Variants in XPNPEP2 observed in about 807,000 individuals in gnomAD.
The protein encoded by XPNPEP2 is X-prolyl aminopeptidase 2, also known as xaa-Pro aminopeptidase 2.
A neutral mutation model predicts 59.8 loss-of-function variants in XPNPEP2; 64 were observed. The ratio of observed to expected loss-of-function variants is 1.07; its 90% confidence interval spans 0.87 to 1.32. The LOEUF (loss-of-function observed/expected upper bound fraction) is 1.32. Ranked by LOEUF, XPNPEP2 falls within the 40% of genes most tolerant of loss-of-function variation. The pLI is 0.00. For synonymous variants in XPNPEP2, 235 were observed against 210.0 expected (o/e 1.12, Z -1.03); for missense variants, 575 against 546.8 (o/e 1.05, Z -0.51).
rs189631445 is a variant in XPNPEP2, at chrX:129,768,580, G to A, written c.*95G>A. ...CACTGAACATACCCCAAGAGCCCCTGCTGGCCCATTGCCTAGAAACCTTTG... is the reference window on the plus strand; with the variant it reads ...CACTGAACATACCCCAAGAGCCCCTACTGGCCCATTGCCTAGAAACCTTTG... On this transcript the variant is annotated 3_prime_UTR_variant, in exon 21 of 21. Transcript: ENST00000371106. The A allele has an allele frequency of 5.0e-5, 41 of 814,248 alleles. No individual in the cohort carries two copies. Among genetic ancestry groups the A allele is most frequent in the Non-Finnish European group, 6.7e-5 (41 of 612,056 alleles). The allele number at this position is 814,248 out of a possible 1,213,427, so 67.1% of individuals were successfully genotyped here.
chrX:129,747,539 C>T, intron 6 of XPNPEP2, 68 bp from the exon 7 acceptor site: 1 of 1,184,462 alleles, frequency 8.4e-7, no homozygotes, highest in Non-Finnish European at 1.1e-6. Context: ...ACTAACTTTG[C>T]CTGAATCACA....
chrX:129,759,379 G>A, intron 15 of XPNPEP2, 139 bp downstream of exon 15: 4 of 732,996 alleles, frequency 5.5e-6, no homozygotes, highest in Admixed American at 5.8e-5. Flanking sequence ...CACTGGTGCC[G>A]GAAAACCCAG....
At chrX:129,759,358 C>A in intron 15 of XPNPEP2, 118 bp downstream of exon 15, 1 of 885,406 alleles carries the variant, frequency 1.1e-6, no homozygotes, top group Non-Finnish European at 1.6e-6. Context: ...GTAGTTTGCC[C>A]AAGGTGACAC....
chrX:129,757,521 C>A (rs1418918066), intron 14 of XPNPEP2, among the ~76,000 whole-genome samples: 1 of 108,055 alleles, frequency 9.3e-6, no homozygotes, highest in Non-Finnish European at 1.9e-5. Context: ...AATAGACTAA[C>A]CTGGCCAGGC....
Position 129,768,417 on chromosome X carries a change from C to T in XPNPEP2, c.1957C>T (p.Pro653Ser), listed in dbSNP as rs748330781. 2 of 1,205,939 alleles carry T rather than the reference C, an allele frequency of 1.7e-6. No individual in the cohort carries two copies. The highest frequency in any genetic ancestry group is 1.8e-5 in the South Asian group (1 of 56,217). ...CACAGAGCCCCTGGCCGCCAGGGCC[C>T]CAGACACCGCCTCCTGGGCCTCTGT... is the stretch of plus-strand genomic sequence containing the variant. ...QHTEPLAARA[P>S]DTASWASVLV... is the part of the protein sequence containing the mutation. Residue 653 changes from proline to serine, a missense_variant, in exon 21 of 21, where the codon CCA becomes TCA. Pro to Ser is a moderately conservative substitution (Grantham distance 74, BLOSUM62 -1). Transcript: ENST00000371106.
intron 17 of XPNPEP2, among the ~76,000 whole-genome samples, chrX:129,761,756 C>A (rs763200893): frequency 8.9e-6 from 1 of 111,733 alleles, no homozygotes; most frequent in Non-Finnish European, 1.9e-5. Context: ...GTCAAGGCTG[C>A]AGTGAGCCAT....
chrX:129,750,591 TG>T, intron 8 of XPNPEP2, 22 bp downstream of exon 8: 1 of 1,150,413 alleles, frequency 8.7e-7, no homozygotes, highest in Non-Finnish European at 1.2e-6. Context: ...TTTGCAGACA[TG>T]GGTGGGCGCC....
chrX:129,745,273 A>G lies in XPNPEP2; in HGVS notation c.298+7A>G, dbSNP rs1417449826. 3 of 1,209,268 alleles carry G rather than the reference A, an allele frequency of 2.5e-6. No individual in the cohort carries two copies. Among genetic ancestry groups the G allele is most frequent in the African/African-American group, 3.5e-5 (2 of 56,936 alleles). On this transcript the variant is annotated splice_region_variant and intron_variant, in intron 4 of 20. Transcript: ENST00000371106. ...GGCTTTACAGGGTCTGCAGGTGACA[A>G]TCATTACCCAGCCCCATTGCTTTTG...
Position 129,740,470 on chromosome X carries a change from T to C in XPNPEP2, c.49+1208T>C, listed in dbSNP as rs188074143. On this transcript the variant is annotated intron_variant, in intron 1 of 20. Coordinates refer to ENST00000371106, the MANE Select transcript of XPNPEP2 (RefSeq NM_003399.6). ...GGTGAAACACTGTCTCTATTAAAAT[T>C]ACAAAAATTAGCCAGGCATGGTGGC... Among the ~76,000 whole-genome samples, 7 of 105,714 alleles carry C rather than the reference T, an allele frequency of 6.6e-5. No homozygotes were observed. The South Asian group carries it at 2.9e-3, about 44-fold the overall frequency. 91.8% of individuals were successfully genotyped at this position (105,714 alleles called of 115,157 possible). A position where few individuals can be genotyped will look rare whatever the true frequency, so the allele number is the denominator to read the frequency against.
chrX:129,740,810 T>C (rs1278204300), intron 1 of XPNPEP2, among the ~76,000 whole-genome samples: 4 of 105,908 alleles, frequency 3.8e-5, no homozygotes, highest in Admixed American at 1.0e-4. Flanking sequence ...GTGTGGTGGG[T>C]GCATGCCTGT....
At chrX:129,744,564 C>CAT (rs1376939082) in intron 3 of XPNPEP2, among the ~76,000 whole-genome samples, 2 of 111,933 alleles carry the variant, frequency 1.8e-5, no homozygotes, top group Non-Finnish European at 3.8e-5. Flanking sequence ...CCCTCCACAC[C>CAT]ATCCACCTTT....
In XPNPEP2 at chrX:129,741,591, T is replaced by C. The variant is rs368182975; in HGVS notation, c.50-517T>C. Among the ~76,000 whole-genome samples the C allele has an allele frequency of 6.2e-5, 7 of 112,207 alleles. No individual in the cohort carries two copies. In the East Asian group the frequency reaches 1.4e-3, roughly 22 times the overall value. On this transcript the variant is annotated intron_variant, in intron 1 of 20. Coordinates refer to ENST00000371106, the MANE Select transcript of XPNPEP2 (RefSeq NM_003399.6). ...ACCATGGCAGACTAGGATTTCTGTC[T>C]AATATATTGAAAATGAGCCTGGAAT...
rs192591301 is a variant in XPNPEP2 at position 129,740,988 on chromosome X, A to C, written c.50-1120A>C. On this transcript the variant is annotated intron_variant, in intron 1 of 20. Transcript: ENST00000371106. The stretch of plus-strand genomic sequence containing the variant: ...GCGGGGGAGTGTAATGTCTCCCCAC[A>C]CTCAGGGCCCCATTACCATCTAGGG... Among the ~76,000 whole-genome samples, 30 of 107,783 alleles carry C rather than the reference A, an allele frequency of 2.8e-4. No homozygotes were observed. The East Asian group carries it at 7.3e-3, about 26-fold the overall frequency. 93.6% of individuals were successfully genotyped at this position (107,783 alleles called of 115,157 possible).
At chrX:129,744,186 G>A in intron 3 of XPNPEP2, 115 bp downstream of exon 3, 2 of 671,050 alleles carry the variant, frequency 3.0e-6, no homozygotes, top group Non-Finnish European at 4.6e-6. Context: ...ATGGGCAAAG[G>A]GAGGGAAGTA....
rs997651269 is a variant in XPNPEP2 at position 129,762,700 on chromosome X, G to A, written c.1670G>A (p.Gly557Asp). ...AKGMFTSIEPGYYKDGEFGIR... is the reference protein window; with the variant it reads ...AKGMFTSIEPDYYKDGEFGIR... Reference sequence around the variant, plus strand: ...GCATCTCTGTGTCTCCCAGAACCTGGTTACTATAAGGATGGAGAATTTGGG... The same window carrying A: ...GCATCTCTGTGTCTCCCAGAACCTGATTACTATAAGGATGGAGAATTTGGG... The change falls in exon 19 of 21, where the codon GGT (glycine) becomes GAT (aspartate). Residue 557 changes from glycine to aspartate, a missense_variant. Physicochemically the swap from Gly to Asp is moderately conservative, Grantham distance 94 (BLOSUM62 -1). Coordinates refer to ENST00000371106, the MANE Select transcript of XPNPEP2 (RefSeq NM_003399.6). 1 of 1,211,451 alleles carries A rather than the reference G, an allele frequency of 8.3e-7. No homozygotes were observed. Among genetic ancestry groups the A allele is most frequent in the East Asian group, 3.0e-5 (1 of 33,837 alleles).
chrX:129,753,014 A>G lies in XPNPEP2; in HGVS notation c.1018-145A>G, dbSNP rs1299325244. On this transcript the variant is annotated intron_variant, in intron 10 of 20. Transcript: ENST00000371106. ...AGAAAGCACACACAGAGTAGAGAGC[A>G]TTGCCACGAAATGGTGGCAAATCTC... The G allele has an allele frequency of 1.0e-5, 5 of 502,053 alleles. No individual in the cohort carries two copies. The African/African-American group carries it at 1.2e-4, about 12-fold the overall frequency. The allele number at this position is 502,053 out of a possible 1,213,427, so 41.4% of individuals were successfully genotyped here.
intron 8 of XPNPEP2, 52 bp downstream of exon 8, chrX:129,750,621 C>A: frequency 1.9e-6 from 2 of 1,035,466 alleles, no homozygotes; most frequent in Non-Finnish European, 2.6e-6. Flanking sequence ...CCCAATGCCC[C>A]AAGCCTCCCG....
chrX:129,757,992 C>T (rs941368429), intron 14 of XPNPEP2, among the ~76,000 whole-genome samples: 2 of 110,685 alleles, frequency 1.8e-5, no homozygotes, highest in Non-Finnish European at 3.8e-5. Context: ...TCCTTCCAAA[C>T]GTGTGACTGA....
chrX:129,764,132 G>T (rs781396076), intron 19 of XPNPEP2, among the ~76,000 whole-genome samples: 1 of 106,587 alleles, frequency 9.4e-6, no homozygotes, highest in Non-Finnish European at 1.9e-5. Flanking sequence ...AATGTTTATG[G>T]AAACAATGCC....
Sources: allele counts gnomAD v4.1 joint callset (sites outside exome capture counted in the v4.1 genomes callset), GRCh38; gene constraint gnomAD v4.1.1; transcripts MANE v1.5; gene names NCBI Gene and HGNC (gene_info 2026-07-23, HGNC 2026-07-21).